The following TRPV1 variants were observed in gnomAD, a reference collection of about 807,000 sequenced individuals.
TRPV1 encodes OTRPC1.
Under a neutral mutation model 82.3 loss-of-function variants are expected in TRPV1, and 82 were observed. The observed-to-expected ratio is 1.00, with a 90% CI of 0.83 to 1.20. The LOEUF is 1.20. TRPV1 is among the 50% of genes most tolerant of loss of function. TRPV1 has a pLI of 0.00. For synonymous variants in TRPV1, 515 were observed against 467.7 expected (o/e 1.10, Z -1.30); for missense variants, 1,067 against 1,096.8 (o/e 0.97, Z 0.38).
chr17:3,588,484 G>A (rs994019983), intron 7 of TRPV1, 117 bp from the exon 8 acceptor site: 14 of 1,193,520 alleles, frequency 1.2e-5, no homozygotes, highest in Admixed American at 4.7e-5. Flanking sequence ...AGCCCCAGGC[G>A]AGTCCCCACC....
intron 2 of TRPV1, among the ~76,000 whole-genome samples, chr17:3,606,044 C>T (rs59564730): frequency 0.15 from 22,296 of 152,170 alleles, 5,083 homozygotes; most frequent in African/African-American, 0.49. Flanking sequence ...CTGCAACCTC[C>T]GCCTTCCAGG....
rs2074771446 is a variant in TRPV1, at chr17:3,566,894, T to C, written c.2441A>G (p.Tyr814Cys). ...CAGAGACCCTGAAAACTGTCGCAGA[T>C]AAACTTCCTCGGGCTGAGCAGACTG... ...DRQSAQPEEV[Y>C]LRQFSGSLKP... is the part of the protein sequence containing the mutation. Residue 814 changes from tyrosine to cysteine, a missense_variant, in exon 17 of 17, where the codon TAT becomes TGT. Physicochemically the swap from Tyr to Cys is radical, Grantham distance 194. Transcript: ENST00000572705. The C allele has an allele frequency of 6.2e-7, 1 of 1,613,876 alleles. No homozygotes were observed. Among genetic ancestry groups the C allele is most frequent in the Admixed American group, 1.7e-5 (1 of 59,992 alleles).
intron 2 of TRPV1, among the ~76,000 whole-genome samples, chr17:3,603,640 C>G (rs1320394224): frequency 6.6e-6 from 1 of 152,140 alleles, no homozygotes; most frequent in Non-Finnish European, 1.5e-5. Context: ...GATGACTGCT[C>G]TCATCTTCAT....
At chr17:3,580,332 T>A in intron 11 of TRPV1, 125 bp downstream of exon 11, 1 of 966,552 alleles carries the variant, frequency 1.0e-6, no homozygotes, top group South Asian at 1.3e-5. Context: ...GTGCCTTCCG[T>A]CATTCCCTCA....
intron 2 of TRPV1, among the ~76,000 whole-genome samples, chr17:3,603,141 A>T (rs1044191582): frequency 1.7e-5 from 1 of 58,838 alleles, no homozygotes; most frequent in Non-Finnish European, 5.1e-5. Flanking sequence ...AATTAAAATT[A>T]AAAAAAAAAA....
At chr17:3,583,266 A>C in intron 10 of TRPV1, 72 bp downstream of exon 10, 1 of 1,293,812 alleles carries the variant, frequency 7.7e-7, no homozygotes, top group Non-Finnish European at 1.1e-6. Context: ...AAAGTGAGTG[A>C]GCGCTGAGGG....
intron 2 of TRPV1, among the ~76,000 whole-genome samples, chr17:3,593,562 C>T (rs981836904): frequency 2.6e-5 from 4 of 152,092 alleles, no homozygotes; most frequent in Non-Finnish European, 4.4e-5. Flanking sequence ...GGGCTTTTTC[C>T]TCTGTCTACC....
At chr17:3,590,420 G>A (rs370203773) in intron 5 of TRPV1, 28 bp from the exon 6 acceptor site, 22 of 1,608,374 alleles carry the variant, frequency 1.4e-5, no homozygotes, top group Middle Eastern at 1.8e-4. Context: ...GGTTGGCTTC[G>A]TGGTCACGGT....
intron 2 of TRPV1, among the ~76,000 whole-genome samples, chr17:3,604,870 C>G (rs892053738): frequency 6.6e-6 from 1 of 152,104 alleles, no homozygotes; most frequent in Non-Finnish European, 1.5e-5. Flanking sequence ...AGCTACACTC[C>G]CAAGGCCCCA....
At chr17:3,573,295 C>G (rs532629897) in intron 14 of TRPV1, among the ~76,000 whole-genome samples, 17 of 152,284 alleles carry the variant, frequency 1.1e-4, no homozygotes, top group African/African-American at 4.1e-4. Flanking sequence ...CCCTTCTTCC[C>G]TCCAGGACCA....
intron 2 of TRPV1, among the ~76,000 whole-genome samples, chr17:3,594,823 G>T (rs996705448): frequency 1.3e-5 from 2 of 152,138 alleles, no homozygotes; most frequent in Non-Finnish European, 2.9e-5. Flanking sequence ...GCTGAAGAGG[G>T]GTCCATGGCA....
At chr17:3,577,264 T>G in intron 12 of TRPV1, 72 bp from the exon 13 acceptor site, 2 of 1,501,106 alleles carry the variant, frequency 1.3e-6, no homozygotes, top group South Asian at 2.4e-5. Flanking sequence ...CCGGGCCGCA[T>G]CGGCCTGGGG....
intron 16 of TRPV1, among the ~76,000 whole-genome samples, chr17:3,569,279 T>C (rs1450765411): frequency 6.6e-6 from 1 of 151,734 alleles, no homozygotes; most frequent in Non-Finnish European, 1.5e-5. Flanking sequence ...AAAAAAAAAT[T>C]AGCCGGGTAT....
chr17:3,577,212 C>T lies in TRPV1; in HGVS notation c.1714-20G>A. On this transcript the variant is annotated intron_variant, in intron 12 of 16. Coordinates refer to ENST00000572705, the MANE Select transcript of TRPV1 (RefSeq NM_080704.4). ...GATCATCTGCAGGAGACAGCAGGCT[C>T]ATCAGAGCCGAGGCCAGGCCCAGGA... 1.9e-6 allele frequency: 3 copies of T among 1,569,602 alleles called. No individual in the cohort carries two copies. The highest frequency in any genetic ancestry group is 2.6e-6 in the Non-Finnish European group (3 of 1,157,736).
At position 3,592,090 on chromosome 17, in the gene TRPV1, T is replaced by A; in HGVS notation, c.261A>T (p.Pro87=). 6.2e-7 allele frequency: 1 copy of A among 1,613,408 alleles called. No homozygotes were observed. Among genetic ancestry groups the A allele is most frequent in the South Asian group, 1.1e-5 (1 of 91,058 alleles). ...ACCTGGCACCGGTGGGGCCGTCTCC[T>A]GGCCTCTGGATGGTGATAACAGGGC... The part of the protein sequence containing the change: ...TVSPVITIQR[P]GDGPTGARLL... Residue 87 remains proline (P), a synonymous_variant, in exon 3 of 17, where the codon CCA becomes CCT. Coordinates refer to ENST00000572705, the MANE Select transcript of TRPV1 (RefSeq NM_080704.4).
chr17:3,575,197 T>A (rs2074913019), intron 13 of TRPV1, among the ~76,000 whole-genome samples: 1 of 152,084 alleles, frequency 6.6e-6, no homozygotes, highest in African/African-American at 2.4e-5. Flanking sequence ...TAGAAGATCA[T>A]CTTCTCTGGG....
In TRPV1 at chr17:3,580,539, C is replaced by T; in HGVS notation, c.1477-12G>A. 6.2e-7 allele frequency: 1 copy of T among 1,613,970 alleles called. No homozygotes were observed. Among genetic ancestry groups the T allele is most frequent in the Non-Finnish European group, 8.5e-7 (1 of 1,179,860 alleles). Reference sequence around the variant, plus strand: ...AGGAAATACTGAATCTGCAGGTAAACAGAGAGAGTAAGATCCCAGGCAATG... The same window carrying T: ...AGGAAATACTGAATCTGCAGGTAAATAGAGAGAGTAAGATCCCAGGCAATG... On this transcript the variant is annotated splice_polypyrimidine_tract_variant and intron_variant, in intron 10 of 16. Transcript: ENST00000572705.
In TRPV1 at chr17:3,583,641, C is replaced by T. The variant is rs568138591; in HGVS notation, c.1384-211G>A. Among the ~76,000 whole-genome samples, 15 of 152,360 alleles carry T rather than the reference C, an allele frequency of 9.8e-5. No individual in the cohort carries two copies. The East Asian group carries it at 1.9e-3, about 20-fold the overall frequency. On this transcript the variant is annotated intron_variant, in intron 9 of 16. Coordinates refer to ENST00000572705, the MANE Select transcript of TRPV1 (RefSeq NM_080704.4). ...AAAGTGGCAGCCTGCAGGTGCCAAG[C>T]GGAGCATCTTACAATGCTGTGCCGC... is the stretch of plus-strand genomic sequence containing the variant.
intron 2 of TRPV1, among the ~76,000 whole-genome samples, chr17:3,605,854 G>T (rs1237177773): frequency 6.6e-6 from 1 of 152,184 alleles, no homozygotes; most frequent in Non-Finnish European, 1.5e-5. Context: ...GGTCTGTGCT[G>T]GGTGCATGGG....
Sources: gnomAD v4.1 joint callset for allele counts (sites outside exome capture counted in the v4.1 genomes callset) on GRCh38, gnomAD v4.1.1 for gene constraint, MANE v1.5 for transcripts, NCBI Gene and HGNC (gene_info 2026-07-23, HGNC 2026-07-21) for gene names.